Variants in TRAPPC3 observed in about 807,000 individuals in gnomAD.
TRAPPC3 encodes the protein trafficking protein particle complex subunit 3, also known as trafficking protein particle complex 3.
TRAPPC3 carries 5 observed loss-of-function variants against 18.2 expected under a neutral mutation model. The ratio of observed to expected loss-of-function variants is 0.28; its 90% CI spans 0.14 to 0.58. The LOEUF (loss-of-function observed/expected upper bound fraction) is 0.58. Among genes scored for constraint, TRAPPC3 ranks in the 20% least tolerant of loss-of-function variants. The pLI is 0.91. For missense variants in TRAPPC3, 176 were observed against 225.9 expected (o/e 0.78, Z 1.41); for synonymous variants, 65 against 84.2 (o/e 0.77, Z 1.25).
upstream of TRAPPC3, among the ~76,000 whole-genome samples, chr1:36,152,295 CTTTTTTT>C (rs11364641): frequency 8.1e-5 from 11 of 135,592 alleles, no homozygotes; most frequent in East Asian, 1.4e-3. Flanking sequence ...ATTTCTTTTT[CTTTTTTT>C]TTTTTTTTTG....
chr1:36,152,498 C>T (rs1644278631), upstream of TRAPPC3, among the ~76,000 whole-genome samples: 1 of 151,644 alleles, frequency 6.6e-6, no homozygotes, highest in Admixed American at 6.6e-5. Flanking sequence ...TTAGTAGAGA[C>T]TGGGTTTCGA....
At chr1:36,147,164 A>G (rs565176567) in intron 1 of TRAPPC3, among the ~76,000 whole-genome samples, 1 of 152,182 alleles carries the variant, frequency 6.6e-6, no homozygotes, top group East Asian at 1.9e-4. Flanking sequence ...CAACCTGGGA[A>G]TACAAAAATT....
rs1378345971 is a variant in TRAPPC3 at position 36,139,782 on chromosome 1, A to C, written c.178T>G (p.Leu60Val). ...NIGVRLIEDF[L>V]ARSNVGRCHD... is the part of the protein sequence containing the mutation. ...CACCTCCCAACATTTGACCGAGCCA[A>C]GAAATCTTCAATCAGCCGGACTCCA... The change falls in exon 3 of 5, where the codon TTG becomes GTG. Residue 60 changes from leucine (L) to valine (V), a missense_variant. Leu to Val is a conservative substitution (Grantham distance 32). Transcript: ENST00000373166. The C allele has an allele frequency of 6.2e-7, 1 of 1,614,216 alleles. No homozygotes were observed. The highest frequency in any genetic ancestry group is 1.1e-5 in the South Asian group (1 of 91,086).
chr1:36,149,480 C>G lies in TRAPPC3; in HGVS notation c.-102G>C. 3 of 1,466,560 alleles carry G rather than the reference C, an allele frequency of 2.0e-6. No individual in the cohort carries two copies. The highest frequency in any genetic ancestry group is 2.8e-6 in the Non-Finnish European group (3 of 1,073,320). The allele number at this position is 1,466,560 out of a possible 1,614,324, so 90.8% of individuals were successfully genotyped here. Reference sequence around the variant, plus strand: ...CTGCCCCTCAGCCCACAAGACCGACCGGCACTGACTCACTGCGCCTGCGCG... The same window carrying G: ...CTGCCCCTCAGCCCACAAGACCGACGGGCACTGACTCACTGCGCCTGCGCG... On this transcript the variant is annotated 5_prime_UTR_variant, in exon 1 of 5. Transcript: ENST00000373166.
intron 1 of TRAPPC3, among the ~76,000 whole-genome samples, chr1:36,141,794 C>T (rs1254963665): frequency 2.0e-5 from 3 of 151,854 alleles, no homozygotes; most frequent in African/African-American, 7.3e-5. Context: ...CCCGTCTCTA[C>T]TAAAAATACA....
chr1:36,137,378 C>A (rs1476727725), intron 4 of TRAPPC3, 56 bp from the exon 5 acceptor site: 3 of 1,578,552 alleles, frequency 1.9e-6, no homozygotes, highest in Admixed American at 1.7e-5. Flanking sequence ...CTCTAGGGAA[C>A]CAGTGGGGAT....
Position 36,140,178 on chromosome 1 carries a change from T to A in TRAPPC3, c.43-12A>T, listed in dbSNP as rs1644086987. 1.3e-6 allele frequency: 2 copies of A among 1,555,036 alleles called. No homozygotes were observed. The highest frequency in any genetic ancestry group is 2.5e-5 in the South Asian group (2 of 81,618). On this transcript the variant is annotated splice_polypyrimidine_tract_variant and intron_variant, in intron 1 of 4. Coordinates refer to ENST00000373166, the MANE Select transcript of TRAPPC3 (RefSeq NM_014408.5). Reference sequence around the variant, plus strand: ...AAGAGCTCAGAGCTCTAAAAGAGATTCAAAAGGCAGTCAGGACCAAGCAGC... The same window carrying A: ...AAGAGCTCAGAGCTCTAAAAGAGATACAAAAGGCAGTCAGGACCAAGCAGC...
Position 36,140,159 on chromosome 1 carries a change from T to A in TRAPPC3, c.50A>T (p.Glu17Val). The part of the protein sequence containing the change: ...RGTESKKMSS[E>V]LFTLTYGALV... ...GGCACCATAGGTCAGGGTGAAGAGC[T>A]CAGAGCTCTAAAAGAGATTCAAAAG... Residue 17 changes from glutamate (E) to valine (V), a missense_variant, in exon 2 of 5, where the codon GAG (glutamate) becomes GTG (valine). By Grantham distance (121) the Glu-to-Val change is moderately radical. Around this residue, in one of 2 missense-constraint regions of TRAPPC3, gnomAD observed 147 missense variants for 164.3 expected, o/e 0.89. Transcript: ENST00000373166. 5 of 1,586,604 alleles carry A rather than the reference T, an allele frequency of 3.2e-6. No individual in the cohort carries two copies. The highest frequency in any genetic ancestry group is 4.3e-6 in the Non-Finnish European group (5 of 1,171,406).
upstream of TRAPPC3, among the ~76,000 whole-genome samples, chr1:36,153,450 C>A (rs1644286014): frequency 6.6e-6 from 1 of 152,222 alleles, no homozygotes; most frequent in Non-Finnish European, 1.5e-5. Flanking sequence ...ACCTTCAGGT[C>A]TGGCCAGGAG....
At chr1:36,152,689 C>T (rs1644280359), upstream of TRAPPC3, among the ~76,000 whole-genome samples, 1 of 151,904 alleles carries the variant, frequency 6.6e-6, no homozygotes. Flanking sequence ...GGGTCTCTGT[C>T]GTCCAGGCTG....
At chr1:36,147,216 G>C (rs1025657962) in intron 1 of TRAPPC3, among the ~76,000 whole-genome samples, 5 of 152,092 alleles carry the variant, frequency 3.3e-5, no homozygotes, top group Admixed American at 3.3e-4. Flanking sequence ...CTAGCTACTC[G>C]GGAGGCTGAG....
chr1:36,139,582 A>T, intron 3 of TRAPPC3, 138 bp downstream of exon 3: 1 of 1,112,932 alleles, frequency 9.0e-7, no homozygotes, highest in Non-Finnish European at 1.3e-6. Context: ...AACGACCTGG[A>T]ATGTTTTTTT....
At chr1:36,152,362 C>A (rs921786475), upstream of TRAPPC3, among the ~76,000 whole-genome samples, 1 of 147,658 alleles carries the variant, frequency 6.8e-6, no homozygotes, top group Admixed American at 6.9e-5. Context: ...GGCTGGAGTG[C>A]AGTGGTGTGA....
Position 36,149,332 on chromosome 1 carries a change from G to C in TRAPPC3, c.42+5C>G, listed in dbSNP as rs769369633. 1 of 1,613,690 alleles carries C rather than the reference G, an allele frequency of 6.2e-7. No homozygotes were observed. The highest frequency in any genetic ancestry group is 1.1e-5 in the South Asian group (1 of 91,032). ...CGCCCGCCGAGGTCACGCGCTCCAA[G>C]TTACCATTTTCTTGCTCTCGGTGCC... On this transcript the variant is annotated splice_donor_5th_base_variant and intron_variant, in intron 1 of 4. Transcript: ENST00000373166.
chr1:36,149,414 G>C lies in TRAPPC3; in HGVS notation c.-36C>G. ...GCCCCGCCCCACTCGCCTAGCCACGGGTTAGCTCGGCGACCCCTGCAGACG... is the reference window on the plus strand; with the variant it reads ...GCCCCGCCCCACTCGCCTAGCCACGCGTTAGCTCGGCGACCCCTGCAGACG... On this transcript the variant is annotated 5_prime_UTR_variant, in exon 1 of 5. Coordinates refer to ENST00000373166, the MANE Select transcript of TRAPPC3 (RefSeq NM_014408.5). 1.2e-6 allele frequency: 2 copies of C among 1,610,434 alleles called. No individual in the cohort carries two copies. The highest frequency in any genetic ancestry group is 1.7e-6 in the Non-Finnish European group (2 of 1,179,146).
upstream of TRAPPC3, among the ~76,000 whole-genome samples, chr1:36,151,655 A>C (rs1009858471): frequency 1.3e-5 from 2 of 152,120 alleles, no homozygotes; most frequent in Non-Finnish European, 2.9e-5. Context: ...CAGCTGTTCC[A>C]AGGATTCTCA....
In TRAPPC3 at chr1:36,139,779, C is replaced by A. The variant is rs1398882230; in HGVS notation, c.181G>T (p.Ala61Ser). 1.2e-6 allele frequency: 2 copies of A among 1,614,036 alleles called. No individual in the cohort carries two copies. Among genetic ancestry groups the A allele is most frequent in the African/African-American group, 2.7e-5 (2 of 74,976 alleles). ...TGGCACCTCCCAACATTTGACCGAG[C>A]CAAGAAATCTTCAATCAGCCGGACT... is the stretch of plus-strand genomic sequence containing the variant. Reference protein sequence around the residue: ...IGVRLIEDFLARSNVGRCHDF... With the variant: ...IGVRLIEDFLSRSNVGRCHDF... Residue 61 changes from alanine to serine, a missense_variant, in exon 3 of 5, where the codon GCT becomes TCT. This residue lies in a region of TRAPPC3 where 147 missense variants were observed against 164.3 expected (regional missense o/e 0.89). Coordinates refer to ENST00000373166, the MANE Select transcript of TRAPPC3 (RefSeq NM_014408.5).
upstream of TRAPPC3, chr1:36,149,619 C>G: frequency 1.7e-6 from 1 of 590,248 alleles, no homozygotes; most frequent in Non-Finnish European, 3.0e-6. Context: ...CCTCTTAACA[C>G]AGTCAACTAC....
rs1282664380 is a variant in TRAPPC3 at position 36,139,700 on chromosome 1, AG to A, written c.240+19del. 1.2e-6 allele frequency: 2 copies of A among 1,613,834 alleles called. No individual in the cohort carries two copies. Among genetic ancestry groups the A allele is most frequent in the Non-Finnish European group, 8.5e-7 (1 of 1,179,938 alleles). The stretch of plus-strand genomic sequence containing the variant: ...TCAGCAGCAATTCTTCAGCATGGAC[AG>A]GTGGCCCAGAATAATGACCTTGGCA... On this transcript the variant is annotated intron_variant, in intron 3 of 4. Coordinates refer to ENST00000373166, the MANE Select transcript of TRAPPC3 (RefSeq NM_014408.5).
Sources: gnomAD v4.1 joint callset for allele counts (sites outside exome capture counted in the v4.1 genomes callset) on GRCh38, gnomAD v4.1.1 for gene constraint, gnomAD v4.1.1 regional missense constraint, MANE v1.5 for transcripts, NCBI Gene and HGNC (gene_info 2026-07-23, HGNC 2026-07-21) for gene names.